The following PDE4D variants were observed in gnomAD, a reference collection of about 807,000 sequenced individuals.
PDE4D encodes phosphodiesterase 4D, also known as 3',5'-cyclic-AMP phosphodiesterase 4D.
In PDE4D, 24 loss-of-function variants were observed where a neutral mutation model predicts 87.4. That is an observed-to-expected ratio of 0.27 (90% CI 0.20 to 0.39). PDE4D has a LOEUF of 0.39. Ranked by LOEUF, PDE4D falls within the 10% of genes least tolerant of loss-of-function variation. The probability of loss-of-function intolerance (pLI) is 1.00; values close to 1 mark genes in which losing one functional copy is unlikely to be tolerated. For synonymous variants in PDE4D, 384 were observed against 383.2 expected, an observed-to-expected ratio of 1.00 and a Z score of -0.02; for missense variants, 714 against 1,041.0, an observed-to-expected ratio of 0.69 and a Z score of 4.32.
chr5:59,403,188 G>GATTGATTA (rs1791002543), intron 1 of PDE4D, among the ~76,000 whole-genome samples: 4 of 151,336 alleles, frequency 2.6e-5, no homozygotes, highest in Non-Finnish European at 5.9e-5. Context: ...TAGATAGATA[G>GATTGATTA]ATTGATTGAT....
chr5:59,484,913 A>C (rs1804854086), intron 1 of PDE4D, among the ~76,000 whole-genome samples: 1 of 152,218 alleles, frequency 6.6e-6, no homozygotes, highest in Non-Finnish European at 1.5e-5. Context: ...CAACTTGACA[A>C]CCAGTAATAT....
chr5:59,465,289 T>C (rs186410064), intron 1 of PDE4D, among the ~76,000 whole-genome samples: 4 of 152,180 alleles, frequency 2.6e-5, no homozygotes, highest in Non-Finnish European at 5.9e-5. Flanking sequence ...ATTCTCTTGC[T>C]TCTCCTACCA....
At chr5:59,978,869 C>T (rs1761621950) in intron 3 of PDE4D, among the ~76,000 whole-genome samples, 1 of 152,168 alleles carries the variant, frequency 6.6e-6, no homozygotes, top group Admixed American at 6.5e-5. Context: ...GACTCTCCAC[C>T]AGCAAAATGT....
chr5:59,382,660 A>C (rs1786122798), intron 1 of PDE4D, among the ~76,000 whole-genome samples: 6 of 152,132 alleles, frequency 3.9e-5, no homozygotes. Context: ...AAGTTTTTAG[A>C]ACAAAAACTT....
At chr5:59,901,558 C>CA (rs1193503590) in intron 3 of PDE4D, among the ~76,000 whole-genome samples, 7 of 151,744 alleles carry the variant, frequency 4.6e-5, no homozygotes, top group Non-Finnish European at 8.8e-5. Flanking sequence ...AGGACTATTT[C>CA]AAAATAAGTA....
At chr5:59,019,019 C>T (rs148616744) in intron 6 of PDE4D, among the ~76,000 whole-genome samples, 1 of 151,520 alleles carries the variant, frequency 6.6e-6, no homozygotes. Context: ...AGATACATAG[C>T]CTTACCTAAA....
At chr5:59,997,652 A>T (rs868675623) in intron 2 of PDE4D, among the ~76,000 whole-genome samples, 1 of 152,166 alleles carries the variant, frequency 6.6e-6, no homozygotes, top group Non-Finnish European at 1.5e-5. Flanking sequence ...TTTGGCTTTG[A>T]TATTCAGATA....
In PDE4D at chr5:59,321,632, G is replaced by C. The variant is rs1002643609; in HGVS notation, c.456-105664C>G. On this transcript the variant is annotated intron_variant, in intron 1 of 14. Transcript: ENST00000340635. ...AATGTCTATGAGATGGTGTGAAAAGGCGCCTCAGGACTGAACTGTGCCTGG... is the reference window on the plus strand; with the variant it reads ...AATGTCTATGAGATGGTGTGAAAAGCCGCCTCAGGACTGAACTGTGCCTGG... Among the ~76,000 whole-genome samples, 80 of 152,178 alleles carry C rather than the reference G, an allele frequency of 5.3e-4. 1 individual carries two copies. The highest frequency in any genetic ancestry group is 1.8e-4 in the Non-Finnish European group (12 of 67,984).
chr5:59,631,816 G>A lies in PDE4D; in HGVS notation c.455+261352C>T, dbSNP rs1232247530. Among the ~76,000 whole-genome samples, 4 of 150,858 alleles carry A rather than the reference G, an allele frequency of 2.7e-5. No homozygotes were observed. In the East Asian group the frequency reaches 7.9e-4, roughly 30 times the overall value. Reference sequence around the variant, plus strand: ...CTCTGGGTTTCAAGCACAAAACTGGGTGGCTGTTTGGGCAGGCATTGAGCT... The same window carrying A: ...CTCTGGGTTTCAAGCACAAAACTGGATGGCTGTTTGGGCAGGCATTGAGCT... On this transcript the variant is annotated intron_variant, in intron 1 of 14. Transcript: ENST00000340635.
chr5:60,037,258 T>C (rs1582295724), intron 2 of PDE4D, among the ~76,000 whole-genome samples: 2 of 152,306 alleles, frequency 1.3e-5, no homozygotes, highest in Admixed American at 6.5e-5. Context: ...GCTTAGCACC[T>C]ATGAATTCAG....
intron 1 of PDE4D, among the ~76,000 whole-genome samples, chr5:59,501,398 C>T (rs1479470229): frequency 6.6e-6 from 1 of 152,108 alleles, no homozygotes. Flanking sequence ...CAGCTCCTGA[C>T]CTTAAGGAGC....
chr5:59,840,612 A>AT (rs1316993638), intron 1 of PDE4D, among the ~76,000 whole-genome samples: 2 of 152,032 alleles, frequency 1.3e-5, no homozygotes, highest in African/African-American at 4.8e-5. Context: ...AGCCTGGAAA[A>AT]AGGGAGATTT....
intron 2 of PDE4D, among the ~76,000 whole-genome samples, chr5:60,044,118 T>A (rs926325626): frequency 2.0e-5 from 3 of 152,008 alleles, no homozygotes; most frequent in African/African-American, 7.2e-5. Flanking sequence ...TCAACAATAA[T>A]TTATTGTATA....
chr5:59,987,885 A>G (rs547949271), intron 3 of PDE4D: 2 of 152,396 alleles, frequency 1.3e-5, no homozygotes, highest in Non-Finnish European at 2.9e-5. Flanking sequence ...TACCCTGCAA[A>G]GTAGGAAATA....
chr5:60,330,524 G>A (rs563753355), intron 1 of PDE4D, among the ~76,000 whole-genome samples: 30 of 152,192 alleles, frequency 2.0e-4, no homozygotes, highest in Admixed American at 6.5e-4. Flanking sequence ...CCAAGCCCCA[G>A]GACAGCACAC....
intron 1 of PDE4D, among the ~76,000 whole-genome samples, chr5:59,438,376 G>A (rs1797096336): frequency 6.6e-6 from 1 of 152,076 alleles, no homozygotes; most frequent in Admixed American, 6.6e-5. Flanking sequence ...TATATGACTT[G>A]TCTTTAAATT....
At chr5:60,386,200 C>G (rs377733314) in intron 1 of PDE4D, among the ~76,000 whole-genome samples, 1 of 151,950 alleles carries the variant, frequency 6.6e-6, no homozygotes, top group Non-Finnish European at 1.5e-5. Context: ...CCCTTTAGTA[C>G]GTGCTTTAAA....
At chr5:60,118,047 T>C (rs1778324875) in intron 2 of PDE4D, among the ~76,000 whole-genome samples, 1 of 152,166 alleles carries the variant, frequency 6.6e-6, no homozygotes, top group Non-Finnish European at 1.5e-5. Flanking sequence ...TTTAACCACA[T>C]TCTCCTGAAA....
At chr5:59,521,736 C>G (rs1250378012) in intron 1 of PDE4D, among the ~76,000 whole-genome samples, 1 of 152,166 alleles carries the variant, frequency 6.6e-6, no homozygotes, top group Non-Finnish European at 1.5e-5. Flanking sequence ...CCTCCCCAAC[C>G]CATCTCTACA....
Sources: allele counts gnomAD v4.1 joint callset (sites outside exome capture counted in the v4.1 genomes callset), GRCh38; gene constraint gnomAD v4.1.1; transcripts MANE v1.5; gene names NCBI Gene and HGNC (gene_info 2026-07-23, HGNC 2026-07-21).